Variants in SRPK2 observed in about 807,000 individuals in gnomAD.
The protein encoded by SRPK2 is SRSF protein kinase 2, also known as SFRS protein kinase 2.
SRPK2 carries 21 observed loss-of-function variants against 90.8 expected under a neutral mutation model. That is an observed-to-expected ratio of 0.23 (90% CI 0.16 to 0.33). The LOEUF is 0.33. SRPK2 is among the 10% of genes least tolerant of loss of function. The pLI is 1.00. For synonymous variants in SRPK2, 288 were observed against 311.1 expected, an observed-to-expected ratio of 0.93 and a Z score of 0.78; for missense variants, 620 against 869.0, an observed-to-expected ratio of 0.71 and a Z score of 3.60.
chr7:105,244,897 G>T, intron 2 of SRPK2: 1 of 1,463,762 alleles, frequency 6.8e-7, no homozygotes, highest in Non-Finnish European at 9.5e-7. Flanking sequence ...GCGCACATCC[G>T]CGCCAAGAGG....
At chr7:105,151,642 C>A (rs1219292135) in intron 7 of SRPK2, among the ~76,000 whole-genome samples, 1 of 152,114 alleles carries the variant, frequency 6.6e-6, no homozygotes, top group Admixed American at 6.5e-5. Flanking sequence ...AAGCTTCTGG[C>A]CTCAAGTGAT....
intron 2 of SRPK2, among the ~76,000 whole-genome samples, chr7:105,209,832 ATT>A (rs561548930): frequency 6.2e-4 from 94 of 152,304 alleles, no homozygotes; most frequent in African/African-American, 1.9e-3. Flanking sequence ...AGCTACTTAT[ATT>A]TTTCACAAAG....
chr7:105,255,927 G>GAA (rs1208757960), intron 2 of SRPK2, among the ~76,000 whole-genome samples: 3 of 99,212 alleles, frequency 3.0e-5, no homozygotes, highest in East Asian at 2.3e-4. Context: ...ATCTCAAATT[G>GAA]AAAAAAAAAA....
intron 2 of SRPK2, among the ~76,000 whole-genome samples, chr7:105,294,382 C>A (rs535922835): frequency 1.3e-5 from 2 of 152,138 alleles, no homozygotes; most frequent in East Asian, 1.9e-4. Flanking sequence ...TTCCCTAAAC[C>A]GTCTCTTCAG....
At chr7:105,241,525 G>A (rs549915855) in intron 2 of SRPK2, among the ~76,000 whole-genome samples, 9 of 152,168 alleles carry the variant, frequency 5.9e-5, no homozygotes, top group Non-Finnish European at 1.0e-4. Flanking sequence ...AACCCTATGT[G>A]AGGTGAGCAT....
At chr7:105,222,791 T>G (rs1798259532) in intron 2 of SRPK2, among the ~76,000 whole-genome samples, 1 of 152,222 alleles carries the variant, frequency 6.6e-6, no homozygotes, top group Non-Finnish European at 1.5e-5. Flanking sequence ...TGTGTTTGTT[T>G]CATCATGAAG....
chr7:105,311,153 A>G (rs2131385009), intron 2 of SRPK2, among the ~76,000 whole-genome samples: 1 of 152,348 alleles, frequency 6.6e-6, no homozygotes, highest in East Asian at 1.9e-4. Flanking sequence ...ATATCTGATA[A>G]GGGTCAAGAG....
intron 2 of SRPK2, among the ~76,000 whole-genome samples, chr7:105,255,537 T>A (rs1395637408): frequency 6.6e-6 from 1 of 152,066 alleles, no homozygotes; most frequent in Non-Finnish European, 1.5e-5. Flanking sequence ...AACAGAACAT[T>A]TTTCTACCTC....
intron 2 of SRPK2, among the ~76,000 whole-genome samples, chr7:105,286,714 C>A (rs1224425335): frequency 6.6e-6 from 1 of 152,210 alleles, no homozygotes; most frequent in Non-Finnish European, 1.5e-5. Flanking sequence ...GACAATATTG[C>A]AAATGCATAA....
Position 105,146,515 on chromosome 7 carries a change from A to C in SRPK2, c.765T>G (p.Ala255=), listed in dbSNP as rs1804652700. The C allele has an allele frequency of 1.2e-6, 2 of 1,614,028 alleles. No homozygotes were observed. The highest frequency in any genetic ancestry group is 2.2e-5 in the South Asian group (2 of 91,080). ...AEATEWQKAG[A]PPPSGSAVST... ...CACCTGCAGACCCTGAAGGAGGAGG[A>C]GCACCTGCTTTCTGCCACTCAGTGG... is the stretch of plus-strand genomic sequence containing the variant. Residue 255 remains alanine, a synonymous_variant, in exon 8 of 16, where the codon GCT becomes GCG. Coordinates refer to ENST00000393651, the MANE Select transcript of SRPK2 (RefSeq NM_182692.3).
intron 2 of SRPK2, among the ~76,000 whole-genome samples, chr7:105,361,875 G>A: frequency 6.6e-6 from 1 of 151,550 alleles, no homozygotes; most frequent in East Asian, 1.9e-4. Context: ...AAAAACCCTA[G>A]GAAGAAAACC....
Position 105,368,450 on chromosome 7 carries a change from A to T in SRPK2, c.71+20198T>A, listed in dbSNP as rs1819327043. On this transcript the variant is annotated intron_variant, in intron 2 of 15. Transcript: ENST00000393651. ...AATAATCTCTCTTTGAGGACTAGAA[A>T]CTATTTTCTGTATCAGTCCCAGAAG... Among the ~76,000 whole-genome samples, 3 of 152,298 alleles carry T rather than the reference A, an allele frequency of 2.0e-5. No homozygotes were observed. The South Asian group carries it at 6.2e-4, about 32-fold the overall frequency.
At chr7:105,272,027 A>G (rs1034611670) in intron 2 of SRPK2, among the ~76,000 whole-genome samples, 3 of 152,172 alleles carry the variant, frequency 2.0e-5, no homozygotes, top group Non-Finnish European at 4.4e-5. Flanking sequence ...AGAACCTTCT[A>G]GATTTTGTTA....
intron 2 of SRPK2, among the ~76,000 whole-genome samples, chr7:105,315,221 G>A (rs1202769096): frequency 6.6e-6 from 1 of 152,028 alleles, no homozygotes; most frequent in Non-Finnish European, 1.5e-5. Context: ...ATACTCTTCT[G>A]GAAATTTTTA....
At position 105,388,900 on chromosome 7, in the gene SRPK2, G is replaced by A. The variant is rs1198605523; in HGVS notation, c.-94C>T. 4 of 1,235,902 alleles carry A rather than the reference G, an allele frequency of 3.2e-6. No homozygotes were observed. The highest frequency in any genetic ancestry group is 3.4e-5 in the South Asian group (1 of 29,218). 76.6% of individuals were successfully genotyped at this position (1,235,902 alleles called of 1,614,324 possible). Reference sequence around the variant, plus strand: ...CAGCCTCCACTCGCTCCGCCGGCCGGGAGGAGACGAGAACCGCGCCTGCGC... The same window carrying A: ...CAGCCTCCACTCGCTCCGCCGGCCGAGAGGAGACGAGAACCGCGCCTGCGC... On this transcript the variant is annotated 5_prime_UTR_variant, in exon 1 of 16. Coordinates refer to ENST00000393651, the MANE Select transcript of SRPK2 (RefSeq NM_182692.3).
At chr7:105,147,509 C>T (rs1223108884) in intron 7 of SRPK2, among the ~76,000 whole-genome samples, 3 of 151,808 alleles carry the variant, frequency 2.0e-5, no homozygotes, top group African/African-American at 7.3e-5. Context: ...TTAGTAGAGA[C>T]GGGGTTTTAC....
chr7:105,190,367 C>A (rs918632315), intron 3 of SRPK2, among the ~76,000 whole-genome samples: 1 of 152,190 alleles, frequency 6.6e-6, no homozygotes, highest in African/African-American at 2.4e-5. Context: ...AAAATGAACA[C>A]ATATCTTGGT....
intron 9 of SRPK2, 32 bp from the exon 10 acceptor site, chr7:105,143,362 C>A: frequency 6.3e-7 from 1 of 1,594,324 alleles, no homozygotes; most frequent in South Asian, 1.1e-5. Context: ...GGTCAGTATT[C>A]TTCTTTTTAA....
At chr7:105,387,510 CTTTTTTTTTTTT>C (rs77016884) in intron 2 of SRPK2, among the ~76,000 whole-genome samples, 87 of 137,098 alleles carry the variant, frequency 6.3e-4, no homozygotes, top group South Asian at 1.8e-3. Flanking sequence ...ATGGTTTTTT[CTTTTTTTTTTTT>C]TTTTAAGGTA....
Sources: allele counts gnomAD v4.1 joint callset (sites outside exome capture counted in the v4.1 genomes callset), GRCh38; gene constraint gnomAD v4.1.1; transcripts MANE v1.5; gene names NCBI Gene and HGNC (gene_info 2026-07-23, HGNC 2026-07-21).